CELF2: variants seen among roughly 807,000 people sequenced by gnomAD.
CELF2 encodes the protein CUGBP Elav-like family member 2.
CELF2 carries 8 observed loss-of-function variants against 62.6 expected under a neutral mutation model. The observed-to-expected ratio is 0.13, with a 90% CI of 0.07 to 0.23. CELF2 has a LOEUF of 0.23. CELF2 is among the 10% of genes least tolerant of loss of function. The pLI is 1.00. For synonymous variants in CELF2, 258 were observed against 250.0 expected, an observed-to-expected ratio of 1.03 and a Z score of -0.30; for missense variants, 333 against 671.0, an observed-to-expected ratio of 0.50 and a Z score of 5.56.
the CELF2 span, among the ~76,000 whole-genome samples, chr10:10,501,472 G>C: frequency 6.6e-6 from 1 of 151,712 alleles, no homozygotes; most frequent in African/African-American, 2.4e-5. Context: ...TATTTTTCCT[G>C]TTATGTTTTG....
At chr10:10,980,348 C>A (rs151226974) in intron 2 of CELF2, among the ~76,000 whole-genome samples, 2 of 152,190 alleles carry the variant, frequency 1.3e-5, no homozygotes, top group Non-Finnish European at 2.9e-5. Flanking sequence ...TCTCTTCCCC[C>A]CCCAAGATGG....
chr10:11,180,256 A>G (rs2072848606), intron 2 of CELF2, among the ~76,000 whole-genome samples: 1 of 152,146 alleles, frequency 6.6e-6, no homozygotes, highest in Admixed American at 6.5e-5. Flanking sequence ...AGCGGCAACA[A>G]GAGTGGAAGG....
In CELF2 at chr10:11,117,308, G is replaced by A. The variant is rs2056766830; in HGVS notation, c.75-48178G>A. ...GTGGCTTTGGAATAGTCACCTTTCT[G>A]AGTTGCTTTCTTCATTCAACGGGTG... On this transcript the variant is annotated intron_variant, in intron 1 of 12. Coordinates refer to ENST00000633077, the MANE Select transcript of CELF2 (RefSeq NM_001326342.2). The surrounding 1 kb of genome is among the most constrained non-coding windows in gnomAD (Gnocchi z 4.1). Among the ~76,000 whole-genome samples, 3 of 152,172 alleles carry A rather than the reference G, an allele frequency of 2.0e-5. No individual in the cohort carries two copies. The highest frequency in any genetic ancestry group is 2.0e-4 in the Admixed American group (3 of 15,284).
chr10:10,907,513 C>T (rs1347462910), intron 1 of CELF2, among the ~76,000 whole-genome samples: 1 of 152,160 alleles, frequency 6.6e-6, no homozygotes, highest in African/African-American at 2.4e-5. Flanking sequence ...TGCTGAATAT[C>T]ACCAATGGCT....
rs2095632246 is a variant in CELF2 at position 11,324,714 on chromosome 10, T to C, written c.1295-1122T>C. Among the ~76,000 whole-genome samples, 1 of 152,180 alleles carries C rather than the reference T, an allele frequency of 6.6e-6. No individual in the cohort carries two copies. Among genetic ancestry groups the C allele is most frequent in the African/African-American group, 2.4e-5 (1 of 41,420 alleles). On this transcript the variant is annotated intron_variant, in intron 11 of 12. Transcript: ENST00000633077. This position sits in a 1 kb window ranked among gnomAD's most constrained non-coding sequence, Gnocchi z 4.7. Reference sequence around the variant, plus strand: ...CAGGGGAAGAAGCTTGGTTTGACATTTTTACAAAGTTCTTTTTATCCCCAT... The same window carrying C: ...CAGGGGAAGAAGCTTGGTTTGACATCTTTACAAAGTTCTTTTTATCCCCAT...
At chr10:10,876,874 ATGTG>A (rs1255517369) in intron 1 of CELF2, among the ~76,000 whole-genome samples, 1 of 152,218 alleles carries the variant, frequency 6.6e-6, no homozygotes, top group East Asian at 1.9e-4. Context: ...TGTGTGGTCT[ATGTG>A]TGTGCATGTG....
chr10:11,147,083 G>A (rs926376930), intron 1 of CELF2, among the ~76,000 whole-genome samples: 2 of 152,158 alleles, frequency 1.3e-5, no homozygotes, highest in African/African-American at 4.8e-5. Context: ...TTATTTATCT[G>A]ATCAATCTTT....
the CELF2 span, among the ~76,000 whole-genome samples, chr10:10,708,432 CAATGACATTA>C: frequency 6.6e-6 from 1 of 152,058 alleles, no homozygotes; most frequent in African/African-American, 2.4e-5. Context: ...GGGACAAGGG[CAATGACATTA>C]AATGATTCTG....
chr10:10,952,155 T>G (rs2048387707), intron 2 of CELF2: 1 of 152,230 alleles, frequency 6.6e-6, no homozygotes. Context: ...TTTTCAAATG[T>G]CAGAAAATGG....
At chr10:10,513,441 A>G in the CELF2 span, among the ~76,000 whole-genome samples, 2 of 152,228 alleles carry the variant, frequency 1.3e-5, no homozygotes, top group African/African-American at 4.8e-5. Flanking sequence ...AGGAAAATGA[A>G]GGCTATGAAT....
chr10:10,766,595 T>TCC, the CELF2 span, among the ~76,000 whole-genome samples: 1 of 152,060 alleles, frequency 6.6e-6, no homozygotes, highest in African/African-American at 2.4e-5. Context: ...GGAGGTTAGG[T>TCC]ACTCAGCAGC....
At chr10:10,696,348 C>T in the CELF2 span, among the ~76,000 whole-genome samples, 1 of 151,808 alleles carries the variant, frequency 6.6e-6, no homozygotes, top group Admixed American at 6.6e-5. Context: ...CTTGAGGAGG[C>T]AGTCTGCCCG....
the CELF2 span, among the ~76,000 whole-genome samples, chr10:10,721,767 G>A: frequency 6.6e-6 from 1 of 152,012 alleles, no homozygotes; most frequent in African/African-American, 2.4e-5. Context: ...GCACATTGGG[G>A]GTCTATAGAA....
intron 1 of CELF2, chr10:11,030,971 G>A (rs1255739509): frequency 6.6e-6 from 1 of 152,198 alleles, no homozygotes; most frequent in African/African-American, 2.4e-5. Context: ...GACTGCTAAG[G>A]TGGACACTTA....
chr10:10,463,522 C>A, the CELF2 span, among the ~76,000 whole-genome samples: 446 of 152,264 alleles, frequency 2.9e-3, 5 homozygotes, highest in African/African-American at 0.01. Flanking sequence ...GTGAAAAATG[C>A]AACTCTGGCT....
At chr10:10,584,774 TG>T in the CELF2 span, among the ~76,000 whole-genome samples, 1 of 152,174 alleles carries the variant, frequency 6.6e-6, no homozygotes, top group East Asian at 1.9e-4. Context: ...TGCTGTCCAA[TG>T]CAGTAGCCAC....
chr10:11,270,878 G>A lies in CELF2; in HGVS notation c.777+54G>A. On this transcript the variant is annotated intron_variant, in intron 7 of 12. Coordinates refer to ENST00000633077, the MANE Select transcript of CELF2 (RefSeq NM_001326342.2). The surrounding 1 kb of genome is among the most constrained non-coding windows in gnomAD (Gnocchi z 5.8). ...TTCACCCGCTGAAACTCTGCAAACT[G>A]ACTTTTCCCCTCCCTACGCTGAGGC... is the stretch of plus-strand genomic sequence containing the variant. 2 of 1,327,826 alleles carry A rather than the reference G, an allele frequency of 1.5e-6. No individual in the cohort carries two copies. Among genetic ancestry groups the A allele is most frequent in the Non-Finnish European group, 2.0e-6 (2 of 1,025,232 alleles). 82.3% of individuals were successfully genotyped at this position (1,327,826 alleles called of 1,614,324 possible). A position where few individuals can be genotyped will look rare whatever the true frequency, so the allele number is the denominator to read the frequency against.
chr10:10,640,705 C>T, the CELF2 span, among the ~76,000 whole-genome samples: 3 of 152,184 alleles, frequency 2.0e-5, no homozygotes, highest in African/African-American at 4.8e-5. Context: ...TGAAATTTGA[C>T]ACATAAATCT....
the CELF2 span, among the ~76,000 whole-genome samples, chr10:10,772,923 G>T: frequency 6.6e-6 from 1 of 152,214 alleles, no homozygotes; most frequent in African/African-American, 2.4e-5. Context: ...CTAGGCCAGA[G>T]AAATGTTGCT....
Sources: allele counts gnomAD v4.1 joint callset (sites outside exome capture counted in the v4.1 genomes callset), GRCh38; gene constraint gnomAD v4.1.1; non-coding constraint Gnocchi (gnomAD v3.1); transcripts MANE v1.5; gene names NCBI Gene and HGNC (gene_info 2026-07-23, HGNC 2026-07-21).